FRY: variants seen among roughly 807,000 people sequenced by gnomAD.
FRY encodes protein furry homolog.
A neutral mutation model predicts 348.4 loss-of-function variants in FRY; 128 were observed. The ratio of observed to expected loss-of-function variants is 0.37; its 90% CI spans 0.32 to 0.43. FRY has a LOEUF of 0.43. Among genes scored for constraint, FRY ranks in the 20% least tolerant of loss-of-function variants. The pLI is 1.00. For synonymous variants in FRY, 1,370 were observed against 1,374.7 expected (o/e 1.00, Z 0.08); for missense variants, 2,736 against 3,695.2 (o/e 0.74, Z 6.73).
At chr13:32,115,129 T>A (rs1240903123) in intron 3 of FRY, among the ~76,000 whole-genome samples, 1 of 152,188 alleles carries the variant, frequency 6.6e-6, no homozygotes, top group Non-Finnish European at 1.5e-5. Context: ...AAGTAGGCTA[T>A]GAAGTGGTAG....
intron 2 of FRY, chr13:32,086,062 C>A: frequency 4.1e-6 from 2 of 491,926 alleles, no homozygotes; most frequent in Non-Finnish European, 4.1e-6. Context: ...GGTAAGTCCG[C>A]CTCTGAGGGT....
intron 58 of FRY, among the ~76,000 whole-genome samples, chr13:32,282,886 T>C (rs1888879980): frequency 6.6e-6 from 1 of 152,176 alleles, no homozygotes; most frequent in Admixed American, 6.5e-5. Flanking sequence ...CTCACGCCTG[T>C]AATCCCAGCA....
chr13:32,178,694 C>T (rs892137844), intron 21 of FRY, 150 bp from the exon 22 acceptor site: 5 of 693,134 alleles, frequency 7.2e-6, no homozygotes, highest in African/African-American at 7.2e-5. Context: ...TTCTGTTTGA[C>T]TTTTCATCCA....
rs553584121 is a variant in FRY, at chr13:32,091,541, G to A, written c.271-10422G>A. ...CCCGTTATTCTTTGGTTCATACGAA[G>A]TAGAGTGCCTGCGGCTGGGTGTAGA... On this transcript the variant is annotated intron_variant, in intron 2 of 60. Transcript: ENST00000542859. Among the ~76,000 whole-genome samples the A allele has an allele frequency of 3.9e-5, 6 of 152,358 alleles. No individual in the cohort carries two copies. The South Asian group carries it at 1.2e-3, about 32-fold the overall frequency.
chr13:32,139,306 C>G (rs1879910180), intron 11 of FRY, among the ~76,000 whole-genome samples: 1 of 152,146 alleles, frequency 6.6e-6, no homozygotes, highest in African/African-American at 2.4e-5. Context: ...AAGTGACCAC[C>G]AAACCAACCC....
In FRY at chr13:32,295,257, C is replaced by G; in HGVS notation, c.8839C>G (p.Leu2947Val). ...GSSSDDEVQT[L>V]LNIYFRHQTL... The stretch of plus-strand genomic sequence containing the variant: ...CAGTTCTGATGATGAGGTCCAGACA[C>G]TACTGAATATTTATTTCCGTCACCA... Residue 2947 changes from leucine (L) to valine (V), a missense_variant, in exon 61 of 61, where the codon CTA becomes GTA. Coordinates refer to ENST00000542859, the MANE Select transcript of FRY (RefSeq NM_023037.3). The G allele has an allele frequency of 6.2e-7, 1 of 1,613,598 alleles. No homozygotes were observed. The highest frequency in any genetic ancestry group is 8.5e-7 in the Non-Finnish European group (1 of 1,179,524).
In FRY at chr13:32,182,975, A is replaced by G; in HGVS notation, c.2997-2A>G. The G allele has an allele frequency of 6.3e-7, 1 of 1,594,206 alleles. No individual in the cohort carries two copies. The highest frequency in any genetic ancestry group is 8.6e-7 in the Non-Finnish European group (1 of 1,162,364). ...TTCAAATTTGACCTTTTTCCTCCAC[A>G]GAGAATTGGTAGAAGAACTTCATCC... is the stretch of plus-strand genomic sequence containing the variant. On this transcript the variant is annotated splice_acceptor_variant, in intron 23 of 60. Coordinates refer to ENST00000542859, the MANE Select transcript of FRY (RefSeq NM_023037.3). LOFTEE classifies it high-confidence loss of function.
At chr13:32,219,388 C>T (rs574756986) in intron 36 of FRY, among the ~76,000 whole-genome samples, 138 of 148,994 alleles carry the variant, frequency 9.3e-4, no homozygotes, top group Non-Finnish European at 1.6e-3. Context: ...CGCGCCCGGC[C>T]GTGTTTTTAT....
Position 32,178,909 on chromosome 13 carries a change from G to A in FRY, c.2747G>A (p.Arg916Lys). Residue 916 changes from arginine to lysine, a missense_variant, in exon 22 of 61, where the codon AGA becomes AAA. This residue lies in a region of FRY where 449 missense variants were observed against 576.9 expected (regional missense o/e 0.78). Transcript: ENST00000542859. ...GGAGACAACTATGTTACTTTGTGGA[G>A]AAATTACCTAATTCTTTGTTTTGGA... ...GSGDNYVTLW[R>K]NYLILCFGVA... 6.2e-7 allele frequency: 1 copy of A among 1,613,604 alleles called. No individual in the cohort carries two copies. Among genetic ancestry groups the A allele is most frequent in the Non-Finnish European group, 8.5e-7 (1 of 1,179,530 alleles).
chr13:32,146,675 G>T (rs1025672493), intron 11 of FRY, among the ~76,000 whole-genome samples: 5 of 152,198 alleles, frequency 3.3e-5, no homozygotes, highest in Middle Eastern at 3.4e-3. Flanking sequence ...CCTTGAGTTT[G>T]CCATATGTTG....
chr13:32,037,953 A>C (rs1872601907), intron 1 of FRY, among the ~76,000 whole-genome samples: 1 of 152,206 alleles, frequency 6.6e-6, no homozygotes, highest in African/African-American at 2.4e-5. Context: ...TGTTCTGTAG[A>C]CTAATAGACA....
chr13:32,274,644 CA>C (rs1187840465), intron 55 of FRY, among the ~76,000 whole-genome samples, 197 bp from the exon 56 acceptor site: 3 of 131,296 alleles, frequency 2.3e-5, no homozygotes, highest in Non-Finnish European at 3.1e-5. Flanking sequence ...GGGGAGCTTG[CA>C]GTGAGCCGAG....
intron 35 of FRY, among the ~76,000 whole-genome samples, chr13:32,217,641 G>T (rs1267081952): frequency 6.6e-6 from 1 of 152,182 alleles, no homozygotes; most frequent in Non-Finnish European, 1.5e-5. Context: ...AAAGCTCCAC[G>T]CAGGGAGTTG....
intron 31 of FRY, among the ~76,000 whole-genome samples, chr13:32,204,814 G>C (rs1353271835): frequency 1.3e-5 from 2 of 152,296 alleles, no homozygotes; most frequent in East Asian, 3.9e-4. Context: ...AGATTTGTTT[G>C]CTGCCTACAT....
chr13:32,268,499 AAAAAAAATATATATATATATATATAT>A (rs1433609987), intron 55 of FRY, among the ~76,000 whole-genome samples: 2 of 16,002 alleles, frequency 1.2e-4, no homozygotes, highest in East Asian at 4.2e-3. Flanking sequence ...AAAAAAAAAA[AAAAAAAATATATATATATATATATAT>A]ATATATATAT....
chr13:32,109,039 G>C (rs998454819), intron 3 of FRY, among the ~76,000 whole-genome samples: 1 of 152,122 alleles, frequency 6.6e-6, no homozygotes, highest in Non-Finnish European at 1.5e-5. Flanking sequence ...GTAATGAAGA[G>C]ACCTAAGGCA....
In FRY at chr13:32,079,030, C is replaced by T. The variant is rs758211187; in HGVS notation, c.267C>T (p.Pro89=). 2 of 1,608,772 alleles carry T rather than the reference C, an allele frequency of 1.2e-6. No individual in the cohort carries two copies. The highest frequency in any genetic ancestry group is 1.3e-5 in the African/African-American group (1 of 74,934). The change falls in exon 2 of 61, where the codon CCC becomes CCT. Residue 89 remains proline (P), a synonymous_variant. Coordinates refer to ENST00000542859, the MANE Select transcript of FRY (RefSeq NM_023037.3). ...AGATTCGTATCATTATGGCAGAGCC[C>T]CTGGTGAGTACATGCCGTGGAAACT... The part of the protein sequence containing the change: ...ERKIRIIMAE[P]LEKPLTKSLQ...
intron 36 of FRY, among the ~76,000 whole-genome samples, chr13:32,220,376 A>G (rs1885252362): frequency 6.6e-6 from 1 of 152,230 alleles, no homozygotes; most frequent in Non-Finnish European, 1.5e-5. Context: ...ATGTAGGTTA[A>G]GTTTCAGCTA....
Position 32,208,837 on chromosome 13 carries a change from CT to C in FRY, c.4019-15del, listed in dbSNP as rs574502369. On this transcript the variant is annotated splice_polypyrimidine_tract_variant and intron_variant, in intron 31 of 60. Transcript: ENST00000542859. ...ATAAGGTATGGATGACTCTCTGTCA[CT>C]GCAATTCTCTTTAGAGGTAAGCCAG... The C allele has an allele frequency of 1.9e-5, 31 of 1,613,898 alleles. No individual in the cohort carries two copies. The highest frequency in any genetic ancestry group is 2.5e-5 in the Non-Finnish European group (30 of 1,179,894).
Sources: gnomAD v4.1 joint callset for allele counts (sites outside exome capture counted in the v4.1 genomes callset) on GRCh38, gnomAD v4.1.1 for gene constraint, gnomAD v4.1.1 regional missense constraint, MANE v1.5 for transcripts, NCBI Gene and HGNC (gene_info 2026-07-23, HGNC 2026-07-21) for gene names.